SMYD3: variants seen among roughly 807,000 people sequenced by gnomAD.
The protein encoded by SMYD3 is SET and MYND domain containing 3.
Under a neutral mutation model 57.7 loss-of-function variants are expected in SMYD3, and 36 were observed. The ratio of observed to expected loss-of-function variants is 0.62; its 90% CI spans 0.48 to 0.82. SMYD3 has a LOEUF of 0.82. Ranked by LOEUF, SMYD3 falls within the 40% of genes least tolerant of loss-of-function variation. The pLI is 0.00. For synonymous variants in SMYD3, 211 were observed against 195.0 expected (o/e 1.08, Z -0.68); for missense variants, 515 against 538.8 (o/e 0.96, Z 0.44).
At chr1:245,784,087 A>G (rs1202244497) in intron 10 of SMYD3, among the ~76,000 whole-genome samples, 2 of 152,222 alleles carry the variant, frequency 1.3e-5, no homozygotes, top group Admixed American at 6.5e-5. Context: ...ACAATTTTGG[A>G]AAAGGAGCAA....
At chr1:246,362,909 C>T (rs2066021544) in intron 1 of SMYD3, among the ~76,000 whole-genome samples, 1 of 151,860 alleles carries the variant, frequency 6.6e-6, no homozygotes, top group South Asian at 2.1e-4. Flanking sequence ...AGGAGCGTCT[C>T]TGCCTGGCCG....
At chr1:246,283,130 C>T (rs1236169642) in intron 5 of SMYD3, among the ~76,000 whole-genome samples, 2 of 152,136 alleles carry the variant, frequency 1.3e-5, no homozygotes, top group Non-Finnish European at 2.9e-5. Flanking sequence ...AGCATGTAAC[C>T]CCCCATAGAA....
intron 1 of SMYD3, among the ~76,000 whole-genome samples, chr1:246,376,268 C>T (rs763890957): frequency 7.2e-5 from 11 of 151,856 alleles, no homozygotes; most frequent in Non-Finnish European, 5.9e-5. Flanking sequence ...TATTGATGGA[C>T]ATTAGTGTTG....
At chr1:246,471,302 G>A (rs2067959514) in intron 1 of SMYD3, among the ~76,000 whole-genome samples, 1 of 152,118 alleles carries the variant, frequency 6.6e-6, no homozygotes, top group Non-Finnish European at 1.5e-5. Flanking sequence ...GGGCTCAAGT[G>A]ATCCTCCTGC....
At chr1:245,897,038 A>G (rs1277371608) in intron 8 of SMYD3, among the ~76,000 whole-genome samples, 3 of 152,258 alleles carry the variant, frequency 2.0e-5, no homozygotes. Flanking sequence ...AACTTCATGG[A>G]ACTAACACTT....
rs191699444 is a variant in SMYD3 at position 245,812,139 on chromosome 1, C to T, written c.1076+46357G>A. 2.3e-3 allele frequency among the ~76,000 whole-genome samples: 357 copies of T among 152,268 alleles called. 7 individuals are homozygous for T. The highest frequency in any genetic ancestry group is 0.02 in the Admixed American group (313 of 15,300). The stretch of plus-strand genomic sequence containing the variant: ...GTCTGCAGGCCACATCAGCCAGTCA[C>T]GTGTGTGGGCAACTCACTTTACCTC... On this transcript the variant is annotated intron_variant, in intron 10 of 11. Coordinates refer to ENST00000490107, the MANE Select transcript of SMYD3 (RefSeq NM_001167740.2).
intron 10 of SMYD3, among the ~76,000 whole-genome samples, chr1:245,842,163 C>T (rs1312099399): frequency 7.2e-5 from 11 of 152,238 alleles, no homozygotes; most frequent in South Asian, 2.1e-4. Flanking sequence ...CATCTAATGA[C>T]GCATTTCTCC....
chr1:246,339,669 G>A (rs2065600139), intron 2 of SMYD3, among the ~76,000 whole-genome samples: 1 of 152,188 alleles, frequency 6.6e-6, no homozygotes, highest in African/African-American at 2.4e-5. Context: ...GGCTGCTATG[G>A]TTTCAATGTG....
chr1:245,996,378 T>C (rs909922886), intron 5 of SMYD3, among the ~76,000 whole-genome samples: 4 of 152,206 alleles, frequency 2.6e-5, no homozygotes, highest in African/African-American at 9.7e-5. Context: ...AGGGGTATAA[T>C]GTGTTGTGAT....
intron 5 of SMYD3, among the ~76,000 whole-genome samples, chr1:245,934,618 G>A (rs2056901113): frequency 6.6e-6 from 1 of 152,280 alleles, no homozygotes; most frequent in South Asian, 2.1e-4. Flanking sequence ...AACAGCGGGA[G>A]GGGACCAGGC....
chr1:245,959,105 G>C (rs2057931896), intron 5 of SMYD3, among the ~76,000 whole-genome samples: 1 of 151,752 alleles, frequency 6.6e-6, no homozygotes, highest in Non-Finnish European at 1.5e-5. Flanking sequence ...TTTTTTTAAG[G>C]AGAGATGGAG....
intron 8 of SMYD3, among the ~76,000 whole-genome samples, chr1:245,883,868 C>T (rs2052929955): frequency 6.6e-6 from 1 of 152,076 alleles, no homozygotes; most frequent in South Asian, 2.1e-4. Context: ...TGGGAAGCAA[C>T]AGATAAAGGT....
intron 5 of SMYD3, among the ~76,000 whole-genome samples, chr1:246,134,703 T>G (rs1225861457): frequency 1.3e-5 from 2 of 152,016 alleles, no homozygotes; most frequent in African/African-American, 4.8e-5. Flanking sequence ...ACAGGAGACA[T>G]AAGACCCTCT....
chr1:245,784,054 G>C (rs562850920), intron 10 of SMYD3, among the ~76,000 whole-genome samples: 1 of 152,196 alleles, frequency 6.6e-6, no homozygotes, highest in Non-Finnish European at 1.5e-5. Flanking sequence ...GCATGCAAAG[G>C]CAAAGGAACT....
intron 1 of SMYD3, among the ~76,000 whole-genome samples, chr1:246,490,086 AC>A (rs1469712248): frequency 1.5e-5 from 2 of 137,650 alleles, no homozygotes; most frequent in African/African-American, 5.5e-5. Context: ...AAGTGATCTC[AC>A]CTTGACCTCC....
At chr1:245,788,137 C>T (rs1211861930) in intron 10 of SMYD3, among the ~76,000 whole-genome samples, 1 of 151,102 alleles carries the variant, frequency 6.6e-6, no homozygotes, top group Admixed American at 6.6e-5. Flanking sequence ...CAGATTAACA[C>T]AGGGAACAGG....
At chr1:245,792,596 T>C (rs2047322082) in intron 10 of SMYD3, among the ~76,000 whole-genome samples, 1 of 152,250 alleles carries the variant, frequency 6.6e-6, no homozygotes. Flanking sequence ...TCCATTTGTT[T>C]ATCCACTTTG....
At chr1:246,209,153 A>T (rs2063047680) in intron 5 of SMYD3, among the ~76,000 whole-genome samples, 1 of 152,168 alleles carries the variant, frequency 6.6e-6, no homozygotes, top group African/African-American at 2.4e-5. Flanking sequence ...AGTGCAACTT[A>T]ATTTTCTTCA....
chr1:246,330,820 C>A (rs527437096), intron 3 of SMYD3, among the ~76,000 whole-genome samples: 1 of 152,194 alleles, frequency 6.6e-6, no homozygotes, highest in East Asian at 1.9e-4. Flanking sequence ...AAATCGTGTA[C>A]CGGCCAAAAG....
Sources: allele counts gnomAD v4.1 joint callset (sites outside exome capture counted in the v4.1 genomes callset), GRCh38; gene constraint gnomAD v4.1.1; transcripts MANE v1.5; gene names NCBI Gene and HGNC (gene_info 2026-07-23, HGNC 2026-07-21).